SLC44A3: variants seen among roughly 807,000 people sequenced by gnomAD.
SLC44A3 encodes the protein solute carrier family 44 member 3, also known as choline transporter-like protein 3.
SLC44A3 carries 74 observed loss-of-function variants against 75.4 expected under a neutral mutation model. The observed-to-expected ratio is 0.98, with a 90% CI of 0.81 to 1.19. The LOEUF is 1.19. SLC44A3 is among the 50% of genes most tolerant of loss of function. SLC44A3 has a pLI of 0.00. For missense variants in SLC44A3, 700 were observed against 778.6 expected (o/e 0.90, Z 1.20); for synonymous variants, 310 against 296.9 (o/e 1.04, Z -0.45).
intron 4 of SLC44A3, 58 bp from the exon 5 acceptor site, chr1:94,828,435 G>C (rs1391556784): frequency 7.0e-7 from 1 of 1,419,916 alleles, no homozygotes. Context: ...ACATGGCTGT[G>C]GTTTCCTTAC....
At chr1:94,851,374 C>T (rs997906987) in intron 9 of SLC44A3, among the ~76,000 whole-genome samples, 12 of 152,188 alleles carry the variant, frequency 7.9e-5, no homozygotes, top group African/African-American at 2.2e-4. Context: ...CAGTTCTGCT[C>T]TCCAGGCCTG....
intron 6 of SLC44A3, among the ~76,000 whole-genome samples, chr1:94,839,636 G>A (rs540091326): frequency 1.3e-5 from 2 of 152,064 alleles, no homozygotes; most frequent in Non-Finnish European, 2.9e-5. Flanking sequence ...TGATCCACCC[G>A]CCTCGGCCTC....
chr1:94,884,677 G>A (rs1669369260), intron 12 of SLC44A3, among the ~76,000 whole-genome samples: 1 of 152,102 alleles, frequency 6.6e-6, no homozygotes, highest in South Asian at 2.1e-4. Context: ...CCTTTTTGAA[G>A]AGTCGGCAGA....
intron 4 of SLC44A3, 136 bp downstream of exon 4, chr1:94,827,779 G>A: frequency 9.4e-7 from 1 of 1,064,026 alleles, no homozygotes; most frequent in East Asian, 2.4e-5. Context: ...CTCTTTTTGT[G>A]TGGAAAAGGC....
At chr1:94,835,874 G>A (rs541416300) in intron 5 of SLC44A3, among the ~76,000 whole-genome samples, 2 of 152,282 alleles carry the variant, frequency 1.3e-5, no homozygotes, top group Admixed American at 6.5e-5. Context: ...GACAAGGAAA[G>A]GCAATTTCTT....
chr1:94,870,685 TG>T (rs1667661843), intron 12 of SLC44A3, among the ~76,000 whole-genome samples: 1 of 152,016 alleles, frequency 6.6e-6, no homozygotes, highest in African/African-American at 2.4e-5. Context: ...TTTTCGTTTT[TG>T]TTTTCTTTTG....
chr1:94,828,355 T>G, intron 4 of SLC44A3, 138 bp from the exon 5 acceptor site: 1 of 572,310 alleles, frequency 1.7e-6, no homozygotes, highest in Non-Finnish European at 3.0e-6. Flanking sequence ...TCAGATTGTA[T>G]GCCTATTACT....
chr1:94,864,818 T>G lies in SLC44A3; in HGVS notation c.1314T>G (p.Val438=). The G allele has an allele frequency of 6.2e-7, 1 of 1,614,040 alleles. No individual in the cohort carries two copies. Among genetic ancestry groups the G allele is most frequent in the Non-Finnish European group, 8.5e-7 (1 of 1,179,920 alleles). ...SILFFYHQGT[V]VKGSFLISVV... Reference sequence around the variant, plus strand: ...TCTTCTTCTACCATCAAGGAACCGTTGTGAAAGGGTCATTTTTAATCTCTG... The same window carrying G: ...TCTTCTTCTACCATCAAGGAACCGTGGTGAAAGGGTCATTTTTAATCTCTG... Residue 438 remains valine (V), a synonymous_variant, in exon 11 of 15, where the codon GTT becomes GTG. Transcript: ENST00000271227.
At chr1:94,853,432 G>A (rs1023540554) in intron 9 of SLC44A3, among the ~76,000 whole-genome samples, 3 of 152,206 alleles carry the variant, frequency 2.0e-5, no homozygotes, top group Non-Finnish European at 4.4e-5. Flanking sequence ...AGAGTCCACA[G>A]TAGATTTTTC....
intron 3 of SLC44A3, among the ~76,000 whole-genome samples, chr1:94,824,888 C>T (rs1029815933): frequency 6.6e-6 from 1 of 152,192 alleles, no homozygotes; most frequent in African/African-American, 2.4e-5. Context: ...GCCTAGTTTT[C>T]ATCTCTCTAA....
intron 12 of SLC44A3, among the ~76,000 whole-genome samples, chr1:94,871,794 C>T (rs890990316): frequency 6.6e-6 from 1 of 152,160 alleles, no homozygotes; most frequent in East Asian, 1.9e-4. Flanking sequence ...GAGCTGTTTG[C>T]CAATCAATAA....
At chr1:94,829,983 T>G (rs1661904837) in intron 5 of SLC44A3, among the ~76,000 whole-genome samples, 1 of 152,226 alleles carries the variant, frequency 6.6e-6, no homozygotes, top group Non-Finnish European at 1.5e-5. Flanking sequence ...TCTGTTGCCT[T>G]TTTAAAAATA....
intron 9 of SLC44A3, among the ~76,000 whole-genome samples, chr1:94,847,715 A>G (rs1664596510): frequency 6.6e-6 from 1 of 152,124 alleles, no homozygotes; most frequent in Admixed American, 6.5e-5. Context: ...ATGCTTTCTT[A>G]TGTTCTGTCC....
rs546789117 is a variant in SLC44A3, at chr1:94,837,974, A to G, written c.670+103A>G. 2.8e-3 allele frequency: 3,013 copies of G among 1,069,330 alleles called. 7 individuals carry two copies. The highest frequency in any genetic ancestry group is 3.5e-3 in the Non-Finnish European group (2,643 of 761,776). The allele number at this position is 1,069,330 out of a possible 1,614,324, so 66.2% of individuals were successfully genotyped here. On this transcript the variant is annotated intron_variant, in intron 6 of 14. Coordinates refer to ENST00000271227, the MANE Select transcript of SLC44A3 (RefSeq NM_001114106.3). ...AAAATTAGCCTCTTGTTTTAAATAT[A>G]AAACTCTGTATTTTTAATAGATATT... is the stretch of plus-strand genomic sequence containing the variant.
At chr1:94,832,519 T>G (rs190666848) in intron 5 of SLC44A3, among the ~76,000 whole-genome samples, 1 of 152,236 alleles carries the variant, frequency 6.6e-6, no homozygotes, top group African/African-American at 2.4e-5. Flanking sequence ...AGCAATTTAA[T>G]TTTTGTCTTT....
chr1:94,864,354 G>C (rs771732532), intron 10 of SLC44A3, among the ~76,000 whole-genome samples: 1 of 152,094 alleles, frequency 6.6e-6, no homozygotes, highest in African/African-American at 2.4e-5. Context: ...TAATCACCAG[G>C]TGAATGCTGG....
At chr1:94,859,025 G>A (rs866215579) in intron 10 of SLC44A3, among the ~76,000 whole-genome samples, 17 of 152,154 alleles carry the variant, frequency 1.1e-4, no homozygotes, top group African/African-American at 2.4e-4. Context: ...GTGCAGTTCC[G>A]GAGCCTCCAT....
At chr1:94,833,775 A>G (rs187018566) in intron 5 of SLC44A3, among the ~76,000 whole-genome samples, 15 of 152,060 alleles carry the variant, frequency 9.9e-5, no homozygotes, top group African/African-American at 2.9e-4. Flanking sequence ...AAAAATTTCA[A>G]CTCTTCAAAA....
intron 12 of SLC44A3, among the ~76,000 whole-genome samples, chr1:94,879,205 C>T (rs1345632047): frequency 1.1e-4 from 10 of 93,752 alleles, no homozygotes; most frequent in Admixed American, 2.7e-4. Flanking sequence ...TACAATTTAA[C>T]AACAACTACA....
Sources: gnomAD v4.1 joint callset for allele counts (sites outside exome capture counted in the v4.1 genomes callset) on GRCh38, gnomAD v4.1.1 for gene constraint, MANE v1.5 for transcripts, NCBI Gene and HGNC (gene_info 2026-07-23, HGNC 2026-07-21) for gene names.